Variants in ADARB2 observed in about 807,000 individuals in gnomAD.
The protein encoded by ADARB2 is inactive double-stranded RNA-specific editase B2.
A neutral mutation model predicts 62.2 loss-of-function variants in ADARB2; 25 were observed. The observed-to-expected ratio is 0.40, with a 90% CI of 0.29 to 0.56. The LOEUF is 0.56. Among genes scored for constraint, ADARB2 ranks in the 20% least tolerant of loss-of-function variants. The probability of loss-of-function intolerance (pLI) is 0.43; values close to 1 mark genes in which losing one functional copy is unlikely to be tolerated. For synonymous variants in ADARB2, 572 were observed against 500.8 expected, an observed-to-expected ratio of 1.14 and a Z score of -1.90; for missense variants, 1,071 against 1,077.4, an observed-to-expected ratio of 0.99 and a Z score of 0.08.
At chr10:1,348,760 T>G in intron 3 of ADARB2, among the ~76,000 whole-genome samples, 1 of 152,166 alleles carries the variant, frequency 6.6e-6, no homozygotes, top group East Asian at 1.9e-4. Flanking sequence ...TGTGTGAGGA[T>G]GGCCGGGCTG....
chr10:1,565,482 C>A (rs1479304944), intron 1 of ADARB2, among the ~76,000 whole-genome samples: 1 of 152,068 alleles, frequency 6.6e-6, no homozygotes, highest in East Asian at 1.9e-4. Context: ...TGAAATGGAA[C>A]TGAAAGTGTC....
intron 8 of ADARB2, among the ~76,000 whole-genome samples, chr10:1,186,846 C>T (rs1836765628): frequency 6.6e-6 from 1 of 152,202 alleles, no homozygotes; most frequent in Non-Finnish European, 1.5e-5. Context: ...AGTGGGTTCC[C>T]GCCATAGCAG....
At chr10:1,736,338 G>T (rs758640120) in intron 1 of ADARB2, among the ~76,000 whole-genome samples, 4 of 152,186 alleles carry the variant, frequency 2.6e-5, no homozygotes, top group African/African-American at 7.2e-5. Context: ...ACTTCAGCGC[G>T]GCCCAGCCCC....
rs563709195 is a variant in ADARB2, at chr10:1,198,628, G to A, written c.1864+1338C>T. On this transcript the variant is annotated intron_variant, in intron 8 of 9. Transcript: ENST00000381312. ...AGGCTGCACCGGCCGTGGTGTGGCA[G>A]GTGCCACCTGGGATCGGAAGCAGAC... Among the ~76,000 whole-genome samples the A allele has an allele frequency of 8.9e-4, 136 of 152,390 alleles. 1 individual carries two copies. Among genetic ancestry groups the A allele is most frequent in the African/African-American group, 3.2e-3 (133 of 41,600 alleles).
At chr10:1,248,660 C>T (rs1249867954) in intron 4 of ADARB2, among the ~76,000 whole-genome samples, 2 of 152,148 alleles carry the variant, frequency 1.3e-5, no homozygotes, top group Admixed American at 6.5e-5. Context: ...GCTGTTAAGC[C>T]AATAAAATGC....
intron 3 of ADARB2, among the ~76,000 whole-genome samples, chr10:1,273,488 C>T (rs993461553): frequency 1.3e-5 from 2 of 152,198 alleles, no homozygotes; most frequent in African/African-American, 4.8e-5. Context: ...ACGACGTCCA[C>T]AAGGTGGGTG....
intron 7 of ADARB2, among the ~76,000 whole-genome samples, chr10:1,202,780 C>T (rs11250329): frequency 0.19 from 29,332 of 152,162 alleles, 3,197 homozygotes; most frequent in East Asian, 0.28. Flanking sequence ...AAAGCACCTT[C>T]GTGAAATAAG....
chr10:1,228,074 A>G (rs931849172), intron 6 of ADARB2, among the ~76,000 whole-genome samples: 10 of 152,236 alleles, frequency 6.6e-5, no homozygotes, highest in African/African-American at 1.9e-4. Context: ...ACTGTATTTT[A>G]TATTCCCTGA....
At position 1,294,535 on chromosome 10, in the gene ADARB2, G is replaced by C. The variant is rs938270011; in HGVS notation, c.1078-23466C>G. Among the ~76,000 whole-genome samples, 7 of 152,162 alleles carry C rather than the reference G, an allele frequency of 4.6e-5. No individual in the cohort carries two copies. The South Asian group carries it at 1.2e-3, about 27-fold the overall frequency. ...GAAGAAGGCAGCAGCCCCTCGCGTTGTTTGACTGATAACCAAGCAGAGGGT... is the reference window on the plus strand; with the variant it reads ...GAAGAAGGCAGCAGCCCCTCGCGTTCTTTGACTGATAACCAAGCAGAGGGT... On this transcript the variant is annotated intron_variant, in intron 3 of 9. Transcript: ENST00000381312.
rs1307380526 is a variant in ADARB2 at position 1,530,865 on chromosome 10, T to TCTCAGCA, written c.101-151712_101-151706dup. 1.2e-3 allele frequency among the ~76,000 whole-genome samples: 182 copies of TCTCAGCA among 150,326 alleles called. 3 individuals carry two copies. In the East Asian group the frequency reaches 0.032, roughly 26 times the overall value. On this transcript the variant is annotated intron_variant, in intron 1 of 9. Coordinates refer to ENST00000381312, the MANE Select transcript of ADARB2 (RefSeq NM_018702.4). ...CAGGTCTCAGCACTCAGCACTCAGGTCTCAGCACTCAGCACCCAGCACTCA... is the reference window on the plus strand; with the variant it reads ...CAGGTCTCAGCACTCAGCACTCAGGTCTCAGCACTCAGCACTCAGCACCCAGCACTCA...
intron 3 of ADARB2, among the ~76,000 whole-genome samples, chr10:1,321,565 G>C (rs1831795502): frequency 6.6e-6 from 1 of 151,846 alleles, no homozygotes; most frequent in South Asian, 2.1e-4. Context: ...AAATTTTTTT[G>C]TAGAGATGGG....
intron 1 of ADARB2, among the ~76,000 whole-genome samples, chr10:1,514,317 A>C (rs1486001827): frequency 6.6e-6 from 1 of 151,370 alleles, no homozygotes; most frequent in Non-Finnish European, 1.5e-5. Flanking sequence ...GTAGTCGGGG[A>C]ATCAGTAAAC....
chr10:1,252,780 T>C (rs935856027), intron 4 of ADARB2, among the ~76,000 whole-genome samples: 3 of 152,236 alleles, frequency 2.0e-5, no homozygotes, highest in Middle Eastern at 3.4e-3. Flanking sequence ...GTTGGGGACA[T>C]GATTGGACTG....
intron 1 of ADARB2, among the ~76,000 whole-genome samples, chr10:1,473,949 G>A (rs558515366): frequency 8.0e-5 from 12 of 149,276 alleles, no homozygotes; most frequent in Middle Eastern, 3.7e-3. Flanking sequence ...GCAGGGGACC[G>A]GGTAGTTTCT....
chr10:1,706,335 A>G (rs1441495959), intron 1 of ADARB2, among the ~76,000 whole-genome samples: 1 of 152,230 alleles, frequency 6.6e-6, no homozygotes, highest in Non-Finnish European at 1.5e-5. Flanking sequence ...AGAAATGGGT[A>G]CAAAGAGAAC....
At chr10:1,260,720 A>G (rs201802192) in intron 4 of ADARB2, among the ~76,000 whole-genome samples, 1 of 146,676 alleles carries the variant, frequency 6.8e-6, no homozygotes, top group East Asian at 2.0e-4. Context: ...GAAAATGGCC[A>G]TACTGCCCAA....
At chr10:1,575,431 G>A (rs1463346560) in intron 1 of ADARB2, among the ~76,000 whole-genome samples, 4 of 151,476 alleles carry the variant, frequency 2.6e-5, no homozygotes, top group Admixed American at 6.6e-5. Context: ...GAGAATAATG[G>A]GTCTTAAAGA....
chr10:1,632,893 T>A (rs978611428), intron 1 of ADARB2, among the ~76,000 whole-genome samples: 1 of 152,182 alleles, frequency 6.6e-6, no homozygotes, highest in Non-Finnish European at 1.5e-5. Flanking sequence ...TGGGAGGATG[T>A]TTCTGGAAGA....
intron 1 of ADARB2, among the ~76,000 whole-genome samples, chr10:1,602,088 G>A (rs761565798): frequency 3.9e-5 from 6 of 152,152 alleles, no homozygotes; most frequent in African/African-American, 1.4e-4. Flanking sequence ...GGCTCAGAGG[G>A]CCTGAAGCTG....
Sources: gnomAD v4.1 joint callset for allele counts (sites outside exome capture counted in the v4.1 genomes callset) on GRCh38, gnomAD v4.1.1 for gene constraint, MANE v1.5 for transcripts, NCBI Gene and HGNC (gene_info 2026-07-23, HGNC 2026-07-21) for gene names.